The following TPPP variants were observed in gnomAD, a reference collection of about 807,000 sequenced individuals.
TPPP encodes the protein tubulin polymerization promoting protein, also known as tubulin polymerization-promoting protein.
TPPP carries 6 observed loss-of-function variants against 15.5 expected under a neutral mutation model. The observed-to-expected ratio is 0.39, with a 90% confidence interval of 0.21 to 0.77. The LOEUF (loss-of-function observed/expected upper bound fraction) is 0.77, where lower values mean the gene tolerates loss of function less well. TPPP is among the 30% of genes least tolerant of loss of function. TPPP has a pLI of 0.42. For synonymous variants in TPPP, 146 were observed against 133.9 expected (o/e 1.09, Z -0.63); for missense variants, 269 against 307.2 (o/e 0.88, Z 0.93).
intron 2 of TPPP, among the ~76,000 whole-genome samples, chr5:672,747 C>T (rs1381423815): frequency 1.3e-5 from 2 of 152,250 alleles, no homozygotes; most frequent in African/African-American, 4.8e-5. Context: ...GGTCCGGTCC[C>T]GCCTGTGCAC....
intron 2 of TPPP, among the ~76,000 whole-genome samples, chr5:670,562 G>C (rs964052378): frequency 2.6e-5 from 4 of 152,264 alleles, no homozygotes; most frequent in South Asian, 2.1e-4. Flanking sequence ...GGCCCCACGG[G>C]GGGAGGGGGA....
intron 2 of TPPP, among the ~76,000 whole-genome samples, chr5:670,565 G>T (rs996794265): frequency 2.0e-5 from 3 of 152,132 alleles, no homozygotes; most frequent in Admixed American, 1.3e-4. Flanking sequence ...CCCACGGGGG[G>T]AGGGGGAGCT....
Position 662,912 on chromosome 5 carries a change from T to TGACTGCTCGTCTGTGATTGGGCGAG in TPPP, c.*2189_*2190insCTCGCCCAATCACAGACGAGCAGTC, listed in dbSNP as rs1561076626. 14 of 79,526 alleles carry TGACTGCTCGTCTGTGATTGGGCGAG rather than the reference T, an allele frequency of 1.8e-4. No homozygotes were observed. The highest frequency in any genetic ancestry group is 8.7e-5 in the Non-Finnish European group (3 of 34,342). The allele number at this position is 79,526 out of a possible 1,614,324, so 4.9% of individuals were successfully genotyped here. ...TGACTGCTCGTCTGTGATCGGGCGA[T>TGACTGCTCGTCTGTGATTGGGCGAG]TCTGGTGACCGCTCGTCTGTGATCG... On this transcript the variant is annotated 3_prime_UTR_variant, in exon 4 of 4. Transcript: ENST00000360578.
upstream of TPPP, among the ~76,000 whole-genome samples, chr5:695,722 G>A (rs573997644): frequency 8.6e-5 from 13 of 151,702 alleles, no homozygotes; most frequent in Non-Finnish European, 1.5e-4. Flanking sequence ...TTTGCTTATC[G>A]GGACACCTGT....
chr5:693,702 C>T (rs1370700929), upstream of TPPP, among the ~76,000 whole-genome samples: 2 of 151,196 alleles, frequency 1.3e-5, no homozygotes, highest in East Asian at 1.9e-4. Context: ...ATCTCTCCGC[C>T]CCGCAGGACG....
At chr5:668,431 C>G (rs1306473726) in intron 2 of TPPP, among the ~76,000 whole-genome samples, 1 of 126,004 alleles carries the variant, frequency 7.9e-6, no homozygotes, top group Non-Finnish European at 1.8e-5. Context: ...GCCGCGTGGG[C>G]GCCGTCAGGG....
the TPPP span, among the ~76,000 whole-genome samples, chr5:699,392 G>T: frequency 6.6e-6 from 1 of 152,088 alleles, no homozygotes; most frequent in Non-Finnish European, 1.5e-5. Context: ...TCAATAAATG[G>T]TGCTGGGAAA....
At chr5:668,577 C>T (rs1301431778) in intron 2 of TPPP, among the ~76,000 whole-genome samples, 1 of 152,256 alleles carries the variant, frequency 6.6e-6, no homozygotes, top group Non-Finnish European at 1.5e-5. Flanking sequence ...TCGAGCTGAG[C>T]AGGCCGCGGG....
chr5:693,605 C>G (rs528783265), upstream of TPPP, among the ~76,000 whole-genome samples: 96 of 151,828 alleles, frequency 6.3e-4, no homozygotes, highest in South Asian at 1.9e-3. Flanking sequence ...AGGGCGCGGC[C>G]GACCCGCGGG....
intron 3 of TPPP, 116 bp from the exon 4 acceptor site, chr5:665,412 T>C: frequency 2.1e-6 from 2 of 942,868 alleles, no homozygotes; most frequent in Non-Finnish European, 3.1e-6. Flanking sequence ...GCAAGGGGCA[T>C]AAACCCTGGG....
At chr5:677,624 G>T in intron 2 of TPPP, 126 bp downstream of exon 2, 1 of 857,852 alleles carries the variant, frequency 1.2e-6, no homozygotes, top group Admixed American at 3.1e-5. Flanking sequence ...TTCTGAGAAG[G>T]GCGGGGTCTT....
chr5:666,638 GC>G (rs1474137219), intron 2 of TPPP, among the ~76,000 whole-genome samples: 1 of 151,426 alleles, frequency 6.6e-6, no homozygotes, highest in Non-Finnish European at 1.5e-5. Context: ...CCGCCAGGCG[GC>G]CCCGCTGTGC....
chr5:670,094 G>C (rs1482084179), intron 2 of TPPP, among the ~76,000 whole-genome samples: 1 of 152,120 alleles, frequency 6.6e-6, no homozygotes, highest in African/African-American at 2.4e-5. Flanking sequence ...CTGGCCTCTG[G>C]GCCTGGTTCA....
At chr5:697,768 T>G (rs1741041255), upstream of TPPP, among the ~76,000 whole-genome samples, 1 of 151,424 alleles carries the variant, frequency 6.6e-6, no homozygotes, top group Non-Finnish European at 1.5e-5. Flanking sequence ...TATGAAGAAC[T>G]AATACCAATC....
chr5:669,494 CTG>C lies in TPPP; in HGVS notation c.312-3373_312-3372del, dbSNP rs371302676. ...TGACTCTCTGGGGCCCTTGGGGCCT[CTG>C]TCTGTCCTGGGCCGTCAAAGGCTCT... On this transcript the variant is annotated intron_variant, in intron 2 of 3. Transcript: ENST00000360578. 6.4e-3 allele frequency among the ~76,000 whole-genome samples: 971 copies of C among 152,264 alleles called. 7 individuals are homozygous for C. The highest frequency in any genetic ancestry group is 0.022 in the African/African-American group (930 of 41,544).
At chr5:669,315 G>A (rs769385878) in intron 2 of TPPP, among the ~76,000 whole-genome samples, 11 of 151,416 alleles carry the variant, frequency 7.3e-5, no homozygotes, top group Non-Finnish European at 1.3e-4. Context: ...CAGCTCTGTG[G>A]CGTGGGGGTC....
chr5:678,092 T>C (rs772280020), intron 1 of TPPP, 28 bp from the exon 2 acceptor site: 1 of 1,475,660 alleles, frequency 6.8e-7, no homozygotes, highest in Admixed American at 2.4e-5. Context: ...GAGAAAGGTG[T>C]CACCCGGGCC....
intron 2 of TPPP, among the ~76,000 whole-genome samples, chr5:675,274 C>T (rs181123220): frequency 1.3e-3 from 62 of 47,042 alleles, no homozygotes; most frequent in African/African-American, 5.4e-3. Flanking sequence ...GGGTGCAGCC[C>T]AGGGGGTTCA....
In TPPP at chr5:667,765, C is replaced by T. The variant is rs375029970; in HGVS notation, c.312-1642G>A. On this transcript the variant is annotated intron_variant, in intron 2 of 3. Transcript: ENST00000360578. ...GAAGCAGACACCACCAGAGAAGACA[C>T]GTGCATGCAGACAAGCACACGGAGA... is the stretch of plus-strand genomic sequence containing the variant. Among the ~76,000 whole-genome samples, 7 of 148,096 alleles carry T rather than the reference C, an allele frequency of 4.7e-5. No homozygotes were observed. In the East Asian group the frequency reaches 1.2e-3, roughly 26 times the overall value.
Sources: allele counts gnomAD v4.1 joint callset (sites outside exome capture counted in the v4.1 genomes callset), GRCh38; gene constraint gnomAD v4.1.1; transcripts MANE v1.5; gene names NCBI Gene and HGNC (gene_info 2026-07-23, HGNC 2026-07-21).